URI1: variants seen among roughly 807,000 people sequenced by gnomAD.
The protein encoded by URI1 is unconventional prefoldin RPB5 interactor 1.
URI1 carries 39 observed loss-of-function variants against 60.2 expected under a neutral mutation model. The ratio of observed to expected loss-of-function variants is 0.65; its 90% CI spans 0.50 to 0.85. The LOEUF (loss-of-function observed/expected upper bound fraction) is 0.85. Ranked by LOEUF, URI1 falls within the 40% of genes least tolerant of loss-of-function variation. URI1 has a pLI of 0.00. For synonymous variants in URI1, 251 were observed against 236.8 expected, an observed-to-expected ratio of 1.06 and a Z score of -0.55; for missense variants, 691 against 665.9, an observed-to-expected ratio of 1.04 and a Z score of -0.42.
intron 7 of URI1, among the ~76,000 whole-genome samples, chr19:30,008,709 T>G (rs1336583123): frequency 6.6e-6 from 1 of 152,102 alleles, no homozygotes; most frequent in African/African-American, 2.4e-5. Flanking sequence ...CTTACAACTT[T>G]ATTATTATTG....
rs2055046347 is a variant in URI1 at position 29,942,681 on chromosome 19, C to A, written c.117+17C>A. 2 of 1,377,844 alleles carry A rather than the reference C, an allele frequency of 1.5e-6. No homozygotes were observed. Among genetic ancestry groups the A allele is most frequent in the African/African-American group, 3.0e-5 (2 of 66,550 alleles). 85.4% of individuals were successfully genotyped at this position (1,377,844 alleles called of 1,614,324 possible). On this transcript the variant is annotated intron_variant, in intron 1 of 10. Coordinates refer to ENST00000392271, the MANE Select transcript of URI1 (RefSeq NM_003796.3). Reference sequence around the variant, plus strand: ...CAGGAAAAGGTAACTAGCAGCCCCGCGCCGCTTCCGCCTCCGCCCGCCGGG... The same window carrying A: ...CAGGAAAAGGTAACTAGCAGCCCCGAGCCGCTTCCGCCTCCGCCCGCCGGG...
At chr19:29,971,319 G>A in intron 2 of URI1, 92 bp downstream of exon 2, 2 of 1,266,234 alleles carry the variant, frequency 1.6e-6, no homozygotes, top group Non-Finnish European at 2.3e-6. Flanking sequence ...GCGTGTGTGT[G>A]TATGTATGAC....
chr19:30,000,555 A>T (rs1032772139), intron 4 of URI1, among the ~76,000 whole-genome samples: 1 of 151,996 alleles, frequency 6.6e-6, no homozygotes, highest in Non-Finnish European at 1.5e-5. Context: ...TCTAGGTCTT[A>T]AGTAACTGTT....
chr19:29,977,365 T>TTTATTATGTATACA, intron 2 of URI1, among the ~76,000 whole-genome samples: 1 of 152,018 alleles, frequency 6.6e-6, no homozygotes, highest in East Asian at 1.9e-4. Flanking sequence ...TAAAATTTAT[T>TTTATTATGTATACA]TTATTATGTA....
intron 2 of URI1, 87 bp downstream of exon 2, chr19:29,971,314 T>G: frequency 7.5e-7 from 1 of 1,337,392 alleles, no homozygotes; most frequent in Non-Finnish European, 1.1e-6. Context: ...TGTTTGCGTG[T>G]GTGTGTATGT....
intron 9 of URI1, 69 bp from the exon 10 acceptor site, chr19:30,012,215 AT>A: frequency 6.7e-7 from 1 of 1,492,800 alleles, no homozygotes; most frequent in Non-Finnish European, 8.9e-7. Flanking sequence ...ATTCAAGGAA[AT>A]TTTCAAAAAG....
intron 1 of URI1, among the ~76,000 whole-genome samples, chr19:29,970,783 A>C (rs440697): frequency 0.99 from 149,951 of 152,168 alleles, 73,892 homozygotes; most frequent in East Asian, 1. Flanking sequence ...TTGTCACTAC[A>C]GTCATTTTTT....
rs868574067 is a variant in URI1 at position 29,993,367 on chromosome 19, C to T, written c.367+6950C>T. 5.9e-4 allele frequency among the ~76,000 whole-genome samples: 89 copies of T among 152,106 alleles called. 1 individual carries two copies. The highest frequency in any genetic ancestry group is 2.6e-4 in the Admixed American group (4 of 15,270). ...TCACTGCACACTACTTTCCCTCTAC[C>T]AGAGAGTAAAATGCACATAGGCACG... On this transcript the variant is annotated intron_variant, in intron 4 of 10. Coordinates refer to ENST00000392271, the MANE Select transcript of URI1 (RefSeq NM_003796.3).
At chr19:29,930,984 A>C (rs1427076093) in intron 1 of URI1, among the ~76,000 whole-genome samples, 1 of 151,982 alleles carries the variant, frequency 6.6e-6, no homozygotes, top group African/African-American at 2.4e-5. Context: ...TTGGGATTAC[A>C]GGCATGAGCC....
In URI1 at chr19:30,014,889, T is replaced by C; in HGVS notation, c.1428T>C (p.Ala476=). The change falls in exon 11 of 11, where the codon GCT becomes GCC. Residue 476 remains alanine (A), a splice_region_variant and synonymous_variant. Coordinates refer to ENST00000392271, the MANE Select transcript of URI1 (RefSeq NM_003796.3). ...ATAACCTGACTTTTGTTTTCTAGGC[T>C]TTTTCTGGAACTGTTATAGAAAAAG... ...KLLPLSVTPE[A]FSGTVIEKEF... The C allele has an allele frequency of 5.0e-6, 8 of 1,609,460 alleles. No homozygotes were observed. The highest frequency in any genetic ancestry group is 1.1e-5 in the South Asian group (1 of 90,344).
chr19:29,935,674 C>G (rs887803148), intron 1 of URI1, among the ~76,000 whole-genome samples: 9 of 143,082 alleles, frequency 6.3e-5, no homozygotes, highest in African/African-American at 2.2e-4. Flanking sequence ...GATAGTTTGT[C>G]TGGTAGGAAA....
At chr19:29,926,233 C>CCT (rs1385038224) in intron 1 of URI1, among the ~76,000 whole-genome samples, 8 of 131,578 alleles carry the variant, frequency 6.1e-5, no homozygotes, top group South Asian at 2.8e-4. Flanking sequence ...TTCTTCCTCT[C>CCT]TCCTTCCTTC....
rs370568674 is a variant in URI1, at chr19:29,986,393, G to T, written c.343G>T (p.Gly115Cys). ...AAAGTGCTCAGCAAAGCAGGCTGTA[G>T]GTTTAGTTGAGCACCGGAAAGAACG... ...FAKCSAKQAV[G>C]LVEHRKEHVR... The change falls in exon 4 of 11, where the codon GGT (glycine) becomes TGT (cysteine). Residue 115 changes from glycine to cysteine, a missense_variant. By Grantham distance (159) the Gly-to-Cys change is radical (BLOSUM62 -3). Coordinates refer to ENST00000392271, the MANE Select transcript of URI1 (RefSeq NM_003796.3). 2.5e-6 allele frequency: 4 copies of T among 1,609,006 alleles called. No homozygotes were observed. The highest frequency in any genetic ancestry group is 3.4e-6 in the Non-Finnish European group (4 of 1,179,112).
Position 30,007,521 on chromosome 19 carries a change from T to A in URI1, c.569T>A (p.Ile190Asn), listed in dbSNP as rs201389473. Residue 190 changes from isoleucine to asparagine, a missense_variant, in exon 7 of 11, where the codon ATT becomes AAT. By Grantham distance (149) the Ile-to-Asn change is moderately radical. Transcript: ENST00000392271. The stretch of plus-strand genomic sequence containing the variant: ...CATTCCAAACCAAAAACTTCAGATA[T>A]TTTTGAAGCAGATATTGCAAATGAT... The part of the protein sequence containing the change: ...KPHSKPKTSD[I>N]FEADIANDVK... 2 of 1,613,518 alleles carry A rather than the reference T, an allele frequency of 1.2e-6. No homozygotes were observed. Among genetic ancestry groups the A allele is most frequent in the South Asian group, 2.2e-5 (2 of 91,056 alleles).
Position 29,983,718 on chromosome 19 carries a change from G to A in URI1, c.153-1505G>A, listed in dbSNP as rs142388833. Reference sequence around the variant, plus strand: ...CCCAGTCTCCAGAGAAAGTTTGACGGGCATCTTGGCATAGGCTGCTGCCTG... The same window carrying A: ...CCCAGTCTCCAGAGAAAGTTTGACGAGCATCTTGGCATAGGCTGCTGCCTG... On this transcript the variant is annotated intron_variant, in intron 2 of 10. Transcript: ENST00000392271. Among the ~76,000 whole-genome samples the A allele has an allele frequency of 2.3e-4, 35 of 152,274 alleles. No individual in the cohort carries two copies. The East Asian group carries it at 4.2e-3, about 18-fold the overall frequency.
intron 2 of URI1, among the ~76,000 whole-genome samples, chr19:29,977,276 T>C (rs565176197): frequency 1.3e-5 from 2 of 152,240 alleles, no homozygotes; most frequent in South Asian, 4.1e-4. Context: ...AACTATATCA[T>C]TGTAACAATG....
intron 1 of URI1, among the ~76,000 whole-genome samples, chr19:29,933,940 C>CTTTTTTTTTTTT (rs34942474): frequency 0.02 from 2,505 of 124,364 alleles, 288 homozygotes; most frequent in African/African-American, 0.077. Flanking sequence ...CTTTTCTTCC[C>CTTTTTTTTTTTT]TTTTTTTTTT....
At chr19:30,013,106 G>A (rs1232602752) in intron 10 of URI1, among the ~76,000 whole-genome samples, 1 of 152,182 alleles carries the variant, frequency 6.6e-6, no homozygotes. Context: ...TGGTGGTGGT[G>A]CAGGGGAGGT....
At chr19:29,966,585 A>G (rs765981207) in intron 1 of URI1, among the ~76,000 whole-genome samples, 1 of 152,222 alleles carries the variant, frequency 6.6e-6, no homozygotes, top group Non-Finnish European at 1.5e-5. Flanking sequence ...AATTTTGTTG[A>G]AAGTACACTA....
Sources: allele counts gnomAD v4.1 joint callset (sites outside exome capture counted in the v4.1 genomes callset), GRCh38; gene constraint gnomAD v4.1.1; transcripts MANE v1.5; gene names NCBI Gene and HGNC (gene_info 2026-07-23, HGNC 2026-07-21).